Variants in RPAP2 observed in about 807,000 individuals in gnomAD.
RPAP2 encodes the protein RNA polymerase II associated protein 2.
In RPAP2, 52 loss-of-function variants were observed where a neutral mutation model predicts 73.1. That is an observed-to-expected ratio of 0.71 (90% CI 0.57 to 0.90). The LOEUF is 0.90. Ranked by LOEUF, RPAP2 falls within the 40% of genes least tolerant of loss-of-function variation. The pLI is 0.00. For synonymous variants in RPAP2, 225 were observed against 242.1 expected, an observed-to-expected ratio of 0.93 and a Z score of 0.65; for missense variants, 598 against 701.8, an observed-to-expected ratio of 0.85 and a Z score of 1.67.
chr1:92,380,868 A>G lies in RPAP2; in HGVS notation c.1833A>G (p.Pro611=). The change falls in exon 12 of 13, where the codon CCA becomes CCG. Residue 611 remains proline, a synonymous_variant. Coordinates refer to ENST00000610020, the MANE Select transcript of RPAP2 (RefSeq NM_024813.3). ...TCATATTTAGAACCAGCTGTTTACC[A>G]GAGTGGTAAGTTGGATTGTGTTTTA... ...LTIIFRTSCL[P]E is the part of the protein sequence containing the mutation. 6.4e-7 allele frequency: 1 copy of G among 1,568,400 alleles called. No homozygotes were observed. The highest frequency in any genetic ancestry group is 8.6e-7 in the Non-Finnish European group (1 of 1,164,244).
At chr1:92,355,426 C>T (rs1654414435) in intron 11 of RPAP2, among the ~76,000 whole-genome samples, 1 of 151,878 alleles carries the variant, frequency 6.6e-6, no homozygotes, top group Admixed American at 6.6e-5. Flanking sequence ...TGTTTTCATG[C>T]GATATATCAA....
intron 6 of RPAP2, among the ~76,000 whole-genome samples, chr1:92,316,514 G>C (rs1651913402): frequency 6.6e-6 from 1 of 152,062 alleles, no homozygotes; most frequent in African/African-American, 2.4e-5. Context: ...GTTATTTCTA[G>C]TTTTAGATTT....
At chr1:92,341,437 A>G (rs753031766) in intron 10 of RPAP2, among the ~76,000 whole-genome samples, 9 of 152,226 alleles carry the variant, frequency 5.9e-5, no homozygotes, top group African/African-American at 2.4e-5. Flanking sequence ...ACAATAGGAA[A>G]AATATGAAAA....
At chr1:92,350,542 T>A (rs1469361223) in intron 11 of RPAP2, among the ~76,000 whole-genome samples, 2 of 152,236 alleles carry the variant, frequency 1.3e-5, no homozygotes, top group Non-Finnish European at 2.9e-5. Flanking sequence ...AATACAGAGT[T>A]GAACCTGATT....
intron 6 of RPAP2, among the ~76,000 whole-genome samples, chr1:92,314,484 C>T (rs1176943520): frequency 6.6e-6 from 1 of 152,106 alleles, no homozygotes; most frequent in East Asian, 1.9e-4. Context: ...GACACAGAGG[C>T]TAACACCAGT....
At chr1:92,342,232 G>C (rs1446765391) in intron 10 of RPAP2, among the ~76,000 whole-genome samples, 1 of 152,198 alleles carries the variant, frequency 6.6e-6, no homozygotes, top group Non-Finnish European at 1.5e-5. Context: ...TTTGTGTAAA[G>C]ACCCGAAAGG....
At chr1:92,300,314 AATG>A in intron 2 of RPAP2, 75 bp downstream of exon 2, 1 of 1,177,112 alleles carries the variant, frequency 8.5e-7, no homozygotes, top group Non-Finnish European at 1.2e-6. Context: ...TTAAAACAAT[AATG>A]GTTACCTTTT....
At chr1:92,303,589 TTTA>T (rs1338578557) in intron 3 of RPAP2, among the ~76,000 whole-genome samples, 1 of 152,108 alleles carries the variant, frequency 6.6e-6, no homozygotes, top group Non-Finnish European at 1.5e-5. Context: ...AAAATTATAT[TTTA>T]TTATTTTGTG....
chr1:92,331,757 C>T (rs981078059), intron 8 of RPAP2, among the ~76,000 whole-genome samples: 2 of 152,102 alleles, frequency 1.3e-5, no homozygotes, highest in Admixed American at 1.3e-4. Context: ...ATTCCTTCTT[C>T]TATCCCCATT....
chr1:92,310,884 G>A (rs911676255), intron 6 of RPAP2, among the ~76,000 whole-genome samples: 2 of 152,132 alleles, frequency 1.3e-5, no homozygotes, highest in Admixed American at 1.3e-4. Context: ...GCAACAGAAC[G>A]AGACTAAGAA....
chr1:92,324,507 CT>C, intron 8 of RPAP2, 132 bp downstream of exon 8: 1 of 728,440 alleles, frequency 1.4e-6, no homozygotes, highest in South Asian at 2.1e-5. Context: ...GTCATTCTGC[CT>C]TTTGGTTTAC....
rs148228970 is a variant in RPAP2 at position 92,381,318 on chromosome 1, A to G, written c.1838+445A>G. Among the ~76,000 whole-genome samples, 385 of 152,316 alleles carry G rather than the reference A, an allele frequency of 2.5e-3. 3 individuals are homozygous for G. The highest frequency in any genetic ancestry group is 9.3e-3 in the South Asian group (45 of 4,826). ...TACCTTAGTCATTTCATGTACAGATAAGCAGGTGAATTTACAAGTCTGACT... is the reference window on the plus strand; with the variant it reads ...TACCTTAGTCATTTCATGTACAGATGAGCAGGTGAATTTACAAGTCTGACT... On this transcript the variant is annotated intron_variant, in intron 12 of 12. Transcript: ENST00000610020.
At chr1:92,351,305 CAAAAA>C (rs60111119) in intron 11 of RPAP2, among the ~76,000 whole-genome samples, 2 of 86,836 alleles carry the variant, frequency 2.3e-5, no homozygotes, top group African/African-American at 4.2e-5. Flanking sequence ...GACTCTGTCT[CAAAAA>C]AAAAAAAAAA....
At chr1:92,303,837 C>T in intron 3 of RPAP2, 140 bp from the exon 4 acceptor site, 1 of 493,938 alleles carries the variant, frequency 2.0e-6, no homozygotes, top group Non-Finnish European at 3.4e-6. Flanking sequence ...TTATTTTCTC[C>T]TCTAATTCTA....
chr1:92,308,322 T>G (rs186458274), intron 6 of RPAP2, among the ~76,000 whole-genome samples: 91 of 152,258 alleles, frequency 6.0e-4, no homozygotes, highest in Middle Eastern at 3.4e-3. Flanking sequence ...CCAGCTTCCT[T>G]GTTGGGAAAA....
chr1:92,381,154 T>G (rs1270387714), intron 12 of RPAP2, among the ~76,000 whole-genome samples: 1 of 152,162 alleles, frequency 6.6e-6, no homozygotes, highest in Admixed American at 6.6e-5. Context: ...TACTCAAGTG[T>G]AGGCTATCCC....
At chr1:92,318,528 C>T (rs1652060925) in intron 6 of RPAP2, among the ~76,000 whole-genome samples, 1 of 152,028 alleles carries the variant, frequency 6.6e-6, no homozygotes. Context: ...ACCTTTTCTA[C>T]TCTCAAACTT....
chr1:92,333,327 T>C, intron 8 of RPAP2, 64 bp from the exon 9 acceptor site: 4 of 1,296,720 alleles, frequency 3.1e-6, no homozygotes, highest in Non-Finnish European at 3.4e-6. Context: ...TTTATTGTTC[T>C]GCTTATCAAA....
chr1:92,326,692 T>C (rs1425912577), intron 8 of RPAP2, among the ~76,000 whole-genome samples: 4 of 152,132 alleles, frequency 2.6e-5, no homozygotes, highest in African/African-American at 7.2e-5. Context: ...CCAGGAAGAT[T>C]ATGGCTGCCT....
Sources: allele counts gnomAD v4.1 joint callset (sites outside exome capture counted in the v4.1 genomes callset), GRCh38; gene constraint gnomAD v4.1.1; transcripts MANE v1.5; gene names NCBI Gene and HGNC (gene_info 2026-07-23, HGNC 2026-07-21).